Variants in ACER1 observed in about 807,000 individuals in gnomAD.
ACER1 encodes alkaline ceramidase 1.
In ACER1, 28 loss-of-function variants were observed where a neutral mutation model predicts 24.9. The ratio of observed to expected loss-of-function variants is 1.13; its 90% CI spans 0.83 to 1.54. ACER1 has a LOEUF of 1.54. ACER1 is among the 40% of genes most tolerant of loss of function. ACER1 has a pLI of 0.00. For missense variants in ACER1, 352 were observed against 349.3 expected (o/e 1.01, Z -0.06); for synonymous variants, 132 against 131.4 (o/e 1.00, Z -0.03).
Position 6,306,656 on chromosome 19 carries a change from T to A in ACER1, c.*58A>T. 1.3e-6 allele frequency: 2 copies of A among 1,546,716 alleles called. No individual in the cohort carries two copies. The highest frequency in any genetic ancestry group is 1.8e-6 in the Non-Finnish European group (2 of 1,141,294). ...CAGGTGCAAGTCCTGACCGGGGCTA[T>A]CTTCTCAAGACACAGGCAAGTTGTT... On this transcript the variant is annotated 3_prime_UTR_variant, in exon 6 of 6. Coordinates refer to ENST00000301452, the MANE Select transcript of ACER1 (RefSeq NM_133492.3).
At chr19:6,325,756 G>A (rs1307457729) in intron 1 of ACER1, among the ~76,000 whole-genome samples, 1 of 151,990 alleles carries the variant, frequency 6.6e-6, no homozygotes, top group Non-Finnish European at 1.5e-5. Context: ...GCTACTCTGG[G>A]GGCTGAGACG....
At chr19:6,341,447 C>G in the ACER1 span, among the ~76,000 whole-genome samples, 1 of 147,550 alleles carries the variant, frequency 6.8e-6, no homozygotes, top group African/African-American at 2.6e-5. Context: ...ATTGCTTGAG[C>G]CTAAAGGTCG....
At chr19:6,355,778 G>A in the ACER1 span, among the ~76,000 whole-genome samples, 31 of 138,828 alleles carry the variant, frequency 2.2e-4, 1 homozygote, top group African/African-American at 7.1e-4. Flanking sequence ...CCGGCCAGCC[G>A]CCCCGTCCGG....
At chr19:6,340,348 GAAGGAAGGAAGGAAGGAAGGAAGGAAGA>G in the ACER1 span, among the ~76,000 whole-genome samples, 170 of 103,592 alleles carry the variant, frequency 1.6e-3, no homozygotes, top group Non-Finnish European at 2.3e-3. Context: ...AGGAAGGAAG[GAAGGAAGGAAGGAAGGAAGGAAGGAAGA>G]AAAACAGAAC....
chr19:6,335,532 TG>T (rs1269836969), upstream of ACER1, among the ~76,000 whole-genome samples: 1 of 152,034 alleles, frequency 6.6e-6, no homozygotes, highest in Non-Finnish European at 1.5e-5. Context: ...CTTCATTTAA[TG>T]TTCTTAACAA....
chr19:6,323,479 T>G (rs1201330230), intron 1 of ACER1, among the ~76,000 whole-genome samples: 1 of 152,138 alleles, frequency 6.6e-6, no homozygotes, highest in Non-Finnish European at 1.5e-5. Flanking sequence ...CTCTTTCTCT[T>G]TGCCTGCTGC....
chr19:6,321,542 T>G (rs8107289), intron 1 of ACER1, among the ~76,000 whole-genome samples: 99,721 of 152,030 alleles, frequency 0.66, 33,473 homozygotes, highest in African/African-American at 0.81. Flanking sequence ...CTTATTTTCT[T>G]CTTCTCCATC....
At chr19:6,350,809 A>G in the ACER1 span, among the ~76,000 whole-genome samples, 1 of 152,192 alleles carries the variant, frequency 6.6e-6, no homozygotes, top group African/African-American at 2.4e-5. Flanking sequence ...CTGTACCCCA[A>G]TGCTGTGTAC....
chr19:6,343,631 T>G, the ACER1 span: 3 of 152,678 alleles, frequency 2.0e-5, no homozygotes, highest in African/African-American at 4.8e-5. Context: ...ACTAACAAAA[T>G]GTGGGCTTCC....
the ACER1 span, among the ~76,000 whole-genome samples, chr19:6,356,481 A>AAAATAAAT: frequency 7.0e-6 from 1 of 142,980 alleles, no homozygotes; most frequent in African/African-American, 2.5e-5. Flanking sequence ...AAAAATAAAT[A>AAAATAAAT]AAATAAATAA....
the ACER1 span, among the ~76,000 whole-genome samples, chr19:6,339,986 G>A: frequency 9.9e-5 from 15 of 151,380 alleles, no homozygotes; most frequent in African/African-American, 1.5e-4. Flanking sequence ...TTTAAAAGAG[G>A]GGTTTGGGGC....
chr19:6,354,596 G>C, the ACER1 span, among the ~76,000 whole-genome samples: 1 of 152,156 alleles, frequency 6.6e-6, no homozygotes, highest in Non-Finnish European at 1.5e-5. Context: ...CACTATGTAA[G>C]ATATGTTTCT....
chr19:6,313,801 T>C (rs35175912), intron 1 of ACER1, among the ~76,000 whole-genome samples: 20,248 of 152,224 alleles, frequency 0.13, 1,682 homozygotes, highest in East Asian at 0.29. Context: ...CTCTATCTCA[T>C]AGGACAAGAC....
Position 6,309,796 on chromosome 19 carries a change from A to T in ACER1, c.389T>A (p.Val130Asp), listed in dbSNP as rs1387612399. Residue 130 changes from valine (V) to aspartate (D), a missense_variant, in exon 4 of 6, where the codon GTC becomes GAC. Coordinates refer to ENST00000301452, the MANE Select transcript of ACER1 (RefSeq NM_133492.3). ...FIRLVFITTV[V>D]STLLSFLRPT... is the part of the protein sequence containing the mutation. The stretch of plus-strand genomic sequence containing the variant: ...CCGCAGGAAGGACAGAAGGGTGCTG[A>T]CCACAGTGGTGATGAAGACCAGGCG... The T allele has an allele frequency of 6.2e-7, 1 of 1,614,140 alleles. No individual in the cohort carries two copies. Among genetic ancestry groups the T allele is most frequent in the Non-Finnish European group, 8.5e-7 (1 of 1,179,992 alleles).
chr19:6,311,497 G>T (rs552018863), intron 3 of ACER1, among the ~76,000 whole-genome samples: 1 of 152,004 alleles, frequency 6.6e-6, no homozygotes, highest in East Asian at 1.9e-4. Context: ...AGCCGAGATC[G>T]CACCACTGCA....
chr19:6,351,510 CG>C, the ACER1 span, among the ~76,000 whole-genome samples: 1 of 149,462 alleles, frequency 6.7e-6, no homozygotes, highest in African/African-American at 2.5e-5. Flanking sequence ...GCAGGAGGAT[CG>C]TTTGAGATCA....
At chr19:6,332,954 C>A (rs2091695744) in intron 1 of ACER1, among the ~76,000 whole-genome samples, 1 of 152,106 alleles carries the variant, frequency 6.6e-6, no homozygotes, top group Non-Finnish European at 1.5e-5. Flanking sequence ...CAGACGTGAG[C>A]CACCGCGCCC....
At chr19:6,348,202 C>T in the ACER1 span, among the ~76,000 whole-genome samples, 3 of 151,602 alleles carry the variant, frequency 2.0e-5, no homozygotes, top group Admixed American at 2.0e-4. Context: ...CAATGGCTCA[C>T]ATCTGTAATC....
chr19:6,331,610 A>G (rs1423323331), intron 1 of ACER1, among the ~76,000 whole-genome samples: 1 of 151,758 alleles, frequency 6.6e-6, no homozygotes, highest in Non-Finnish European at 1.5e-5. Flanking sequence ...CCTGGCCAAC[A>G]TGGTGAAACC....
Sources: gnomAD v4.1 joint callset for allele counts (sites outside exome capture counted in the v4.1 genomes callset) on GRCh38, gnomAD v4.1.1 for gene constraint, MANE v1.5 for transcripts, NCBI Gene and HGNC (gene_info 2026-07-23, HGNC 2026-07-21) for gene names.